Variants in GLE1 observed in about 807,000 individuals in gnomAD.
The protein encoded by GLE1 is GLE1 RNA export mediator.
Under a neutral mutation model 97.3 loss-of-function variants are expected in GLE1, and 78 were observed. That is an observed-to-expected ratio of 0.80 (90% CI 0.67 to 0.97). The LOEUF (loss-of-function observed/expected upper bound fraction) is 0.97, where lower values mean the gene tolerates loss of function less well. GLE1 is among the 50% of genes least tolerant of loss of function. GLE1 has a pLI of 0.00. For missense variants in GLE1, 753 were observed against 857.5 expected, an observed-to-expected ratio of 0.88 and a Z score of 1.52; for synonymous variants, 302 against 313.4, an observed-to-expected ratio of 0.96 and a Z score of 0.39.
chr9:128,540,917 T>A (rs986126889), intron 15 of GLE1, 185 bp from the exon 16 acceptor site: 2 of 614,100 alleles, frequency 3.3e-6, no homozygotes, highest in African/African-American at 3.7e-5. Flanking sequence ...TCATTTGTTG[T>A]CTGGAGCAGA....
At chr9:128,527,825 G>C (rs2132475614) in intron 9 of GLE1, among the ~76,000 whole-genome samples, 1 of 151,598 alleles carries the variant, frequency 6.6e-6, no homozygotes, top group Admixed American at 6.6e-5. Flanking sequence ...CTAGCTGGGT[G>C]TGGTGGCTCT....
intron 14 of GLE1, 68 bp from the exon 15 acceptor site, chr9:128,540,203 AGAGT>A (rs768141222): frequency 9.7e-7 from 1 of 1,030,636 alleles, no homozygotes; most frequent in Non-Finnish European, 1.5e-6. Flanking sequence ...CCTAGGTGAC[AGAGT>A]GAGACACCGT....
rs184518311 is a variant in GLE1, at chr9:128,509,987, T to A, written c.321+890T>A. Among the ~76,000 whole-genome samples, 9 of 152,302 alleles carry A rather than the reference T, an allele frequency of 5.9e-5. No homozygotes were observed. The East Asian group carries it at 1.2e-3, about 20-fold the overall frequency. On this transcript the variant is annotated intron_variant, in intron 2 of 15. Coordinates refer to ENST00000309971, the MANE Select transcript of GLE1 (RefSeq NM_001003722.2). ...AAAAAGTTAAATTTTGGAAGTTTTT[T>A]AAAATTACTTTTTATATACTTCTAG... is the stretch of plus-strand genomic sequence containing the variant.
Position 128,538,103 on chromosome 9 carries a change from G to C in GLE1, c.1881+13G>C. 7.1e-7 allele frequency: 1 copy of C among 1,413,962 alleles called. No individual in the cohort carries two copies. Among genetic ancestry groups the C allele is most frequent in the South Asian group, 1.2e-5 (1 of 86,502 alleles). 87.6% of individuals were successfully genotyped at this position (1,413,962 alleles called of 1,614,324 possible). On this transcript the variant is annotated intron_variant, in intron 13 of 15. Transcript: ENST00000309971. ...TGACTTCCTGGAGGTACGTAACTCA[G>C]TTATCACACAAGAGAAGGCCAGTGG...
At chr9:128,510,971 G>A (rs1178956814) in intron 2 of GLE1, among the ~76,000 whole-genome samples, 2 of 151,556 alleles carry the variant, frequency 1.3e-5, no homozygotes, top group Non-Finnish European at 2.9e-5. Flanking sequence ...ACTTTGGGAG[G>A]CTGAGGCAGG....
intron 14 of GLE1, chr9:128,539,959 C>G: frequency 1.1e-6 from 1 of 936,914 alleles, no homozygotes; most frequent in South Asian, 1.7e-5. Flanking sequence ...TATAATTATG[C>G]CTATAATTGC....
rs568953922 is a variant in GLE1, at chr9:128,523,369, G to C, written c.642+29G>C. The C allele has an allele frequency of 6.3e-6, 10 of 1,589,790 alleles. No homozygotes were observed. The Admixed American group carries it at 1.2e-4, about 19-fold the overall frequency. On this transcript the variant is annotated intron_variant, in intron 5 of 15. Coordinates refer to ENST00000309971, the MANE Select transcript of GLE1 (RefSeq NM_001003722.2). Reference sequence around the variant, plus strand: ...AGAGCCTGGCAGAATTGGTGTGGGTGTTTTGGTGTCTGTCTGTAACCTGCC... The same window carrying C: ...AGAGCCTGGCAGAATTGGTGTGGGTCTTTTGGTGTCTGTCTGTAACCTGCC...
intron 3 of GLE1, among the ~76,000 whole-genome samples, chr9:128,522,201 CA>C (rs1371832850): frequency 6.6e-6 from 1 of 152,100 alleles, no homozygotes; most frequent in Non-Finnish European, 1.5e-5. Flanking sequence ...AAGAGCTTTC[CA>C]AAACAGCTGA....
At chr9:128,511,452 A>C (rs1301520458) in intron 2 of GLE1, among the ~76,000 whole-genome samples, 1 of 151,760 alleles carries the variant, frequency 6.6e-6, no homozygotes, top group Non-Finnish European at 1.5e-5. Flanking sequence ...TCACGCCTGT[A>C]ATCCCAGCAC....
At position 128,533,873 on chromosome 9, in the gene GLE1, A is replaced by C. The variant is rs779183863; in HGVS notation, c.1568A>C (p.His523Pro). 2 of 1,613,266 alleles carry C rather than the reference A, an allele frequency of 1.2e-6. No individual in the cohort carries two copies. Among genetic ancestry groups the C allele is most frequent in the South Asian group, 2.2e-5 (2 of 91,060 alleles). ...AGAGTGGGGGACCTCATTCTTGCTC[A>C]TCTACATAAGAAGTGTCCTTACTCT... ...HPRVGDLILAHLHKKCPYSVP... is the reference protein window; with the variant it reads ...HPRVGDLILAPLHKKCPYSVP... The change falls in exon 11 of 16, where the codon CAT becomes CCT. Residue 523 changes from histidine (H) to proline (P), a missense_variant. Physicochemically the swap from His to Pro is moderately conservative, Grantham distance 77 (BLOSUM62 -2). Coordinates refer to ENST00000309971, the MANE Select transcript of GLE1 (RefSeq NM_001003722.2).
intron 2 of GLE1, among the ~76,000 whole-genome samples, chr9:128,509,765 C>G (rs944618004): frequency 6.6e-6 from 1 of 151,774 alleles, no homozygotes; most frequent in Non-Finnish European, 1.5e-5. Flanking sequence ...TCAAGACCAG[C>G]CTGGGCAACA....
Position 128,523,706 on chromosome 9 carries a change from G to A in GLE1, c.757G>A (p.Glu253Lys). 1 of 1,614,150 alleles carries A rather than the reference G, an allele frequency of 6.2e-7. No homozygotes were observed. Among genetic ancestry groups the A allele is most frequent in the Non-Finnish European group, 8.5e-7 (1 of 1,180,026 alleles). The change falls in exon 6 of 16, where the codon GAG becomes AAG. Residue 253 changes from glutamate (E) to lysine (K), a missense_variant. Glu to Lys is a moderately conservative substitution (Grantham distance 56). Coordinates refer to ENST00000309971, the MANE Select transcript of GLE1 (RefSeq NM_001003722.2). ...IRLRALYALQ[E>K]EMLQLSQQLD... is the part of the protein sequence containing the mutation. ...CCTGCGGGCCCTCTATGCTCTGCAG[G>A]AGGAGATGCTGCAGCTCAGCCAGCA...
chr9:128,526,657 CGTTTTTT>C (rs752657037), intron 7 of GLE1, among the ~76,000 whole-genome samples: 1 of 150,986 alleles, frequency 6.6e-6, no homozygotes, highest in South Asian at 2.1e-4. Context: ...CTGCGCCCAG[CGTTTTTT>C]GTTTTTTGTT....
rs568417982 is a variant in GLE1, at chr9:128,520,602, T to C, written c.433-2066T>C. 3.3e-5 allele frequency among the ~76,000 whole-genome samples: 5 copies of C among 151,450 alleles called. No homozygotes were observed. The South Asian group carries it at 1.0e-3, about 32-fold the overall frequency. ...GCCTGATGAGGCCCACCTATATGAG[T>C]CGTGGCATTTCCCAGTCTTGAGACT... On this transcript the variant is annotated intron_variant, in intron 3 of 15. Coordinates refer to ENST00000309971, the MANE Select transcript of GLE1 (RefSeq NM_001003722.2).
At chr9:128,507,827 G>C (rs1216415316) in intron 1 of GLE1, among the ~76,000 whole-genome samples, 1 of 151,976 alleles carries the variant, frequency 6.6e-6, no homozygotes, top group African/African-American at 2.4e-5. Flanking sequence ...GGTGGAGGTT[G>C]CAGTGAGCTG....
At chr9:128,522,220 G>A (rs181915244) in intron 3 of GLE1, among the ~76,000 whole-genome samples, 56 of 152,310 alleles carry the variant, frequency 3.7e-4, no homozygotes, top group African/African-American at 1.3e-3. Flanking sequence ...TGAGCTTAAA[G>A]ATCAAGCAAA....
chr9:128,515,832 T>G (rs1414752731), intron 3 of GLE1, among the ~76,000 whole-genome samples, 193 bp downstream of exon 3: 1 of 152,194 alleles, frequency 6.6e-6, no homozygotes, highest in Non-Finnish European at 1.5e-5. Context: ...GCTGTTACAT[T>G]TTACATGTGA....
chr9:128,529,144 T>C (rs1243991591), intron 9 of GLE1: 1 of 152,230 alleles, frequency 6.6e-6, no homozygotes, highest in Non-Finnish European at 1.5e-5. Flanking sequence ...GAATTTAAAG[T>C]GCTGTGTCCT....
chr9:128,523,620 A>G lies in GLE1; in HGVS notation c.671A>G (p.Glu224Gly). ...KILNLKLREA[E>G]QQRVKQAEQE... The stretch of plus-strand genomic sequence containing the variant: ...CTCAACCTGAAGCTGCGGGAAGCAG[A>G]GCAGCAGCGCGTGAAGCAAGCAGAA... Residue 224 changes from glutamate (E) to glycine (G), a missense_variant, in exon 6 of 16, where the codon GAG (glutamate) becomes GGG (glycine). Coordinates refer to ENST00000309971, the MANE Select transcript of GLE1 (RefSeq NM_001003722.2). 1 of 1,614,100 alleles carries G rather than the reference A, an allele frequency of 6.2e-7. No homozygotes were observed. The highest frequency in any genetic ancestry group is 1.1e-5 in the South Asian group (1 of 91,084).
Sources: allele counts gnomAD v4.1 joint callset (sites outside exome capture counted in the v4.1 genomes callset), GRCh38; gene constraint gnomAD v4.1.1; transcripts MANE v1.5; gene names NCBI Gene and HGNC (gene_info 2026-07-23, HGNC 2026-07-21).